RAD51D: variants seen among roughly 807,000 people sequenced by gnomAD.
RAD51D encodes the protein RAD51 paralog D, also known as DNA repair protein RAD51 homolog 4.
A neutral mutation model predicts 44.1 loss-of-function variants in RAD51D; 38 were observed. The ratio of observed to expected loss-of-function variants is 0.86; its 90% CI spans 0.67 to 1.13. The LOEUF (loss-of-function observed/expected upper bound fraction) is 1.13, where lower values mean the gene tolerates loss of function less well. Among genes scored for constraint, RAD51D ranks in the 50% most tolerant of loss-of-function variants. The pLI, the probability that RAD51D is intolerant of heterozygous loss-of-function variation, is 0.00. For synonymous variants in RAD51D, 141 were observed against 166.6 expected (o/e 0.85, Z 1.18); for missense variants, 390 against 414.0 (o/e 0.94, Z 0.50).
chr17:35,113,645 C>G (rs1013255067), intron 3 of RAD51D: 3 of 363,462 alleles, frequency 8.3e-6, no homozygotes, highest in African/African-American at 6.5e-5. Flanking sequence ...CTGGTTACCA[C>G]TCTAGCCCTG....
rs1246231383 is a variant in RAD51D, at chr17:35,093,066, T to C, written c.*7887A>G. On this transcript the variant is annotated 3_prime_UTR_variant, in exon 10 of 10. Coordinates refer to ENST00000345365, the MANE Select transcript of RAD51D (RefSeq NM_002878.4). ...TGTGACTGCACTGGTCATACCACCATGTAGCTGGGCCTGCCTGGACAGAAG... is the reference window on the plus strand; with the variant it reads ...TGTGACTGCACTGGTCATACCACCACGTAGCTGGGCCTGCCTGGACAGAAG... 1 of 152,238 alleles carries C rather than the reference T, an allele frequency of 6.6e-6. No homozygotes were observed. Among genetic ancestry groups the C allele is most frequent in the East Asian group, 1.9e-4 (1 of 5,208 alleles). The allele number at this position is 152,238 out of a possible 1,614,324, so 9.4% of individuals were successfully genotyped here. A position where few individuals can be genotyped will look rare whatever the true frequency, so the allele number is the denominator to read the frequency against.
chr17:35,117,237 C>T (rs1010612439), intron 3 of RAD51D, among the ~76,000 whole-genome samples: 5 of 152,200 alleles, frequency 3.3e-5, no homozygotes, highest in African/African-American at 9.7e-5. Context: ...ACCCAGCAGG[C>T]CCTTAGCCAG....
At chr17:35,118,779 G>C (rs1006187693) in intron 2 of RAD51D, among the ~76,000 whole-genome samples, 160 bp from the exon 3 acceptor site, 2 of 152,234 alleles carry the variant, frequency 1.3e-5, no homozygotes, top group South Asian at 4.1e-4. Context: ...GTCTCACTCT[G>C]TCGCCCAGAT....
At position 35,099,639 on chromosome 17, in the gene RAD51D, C is replaced by T; in HGVS notation, c.*1314G>A. On this transcript the variant is annotated 3_prime_UTR_variant, in exon 10 of 10. Transcript: ENST00000345365. ...ATCCTCCATGATTCTATCCCTGTTG[C>T]ATTCATCACCTCTAAATGTCATTAC... is the stretch of plus-strand genomic sequence containing the variant. 2.7e-6 allele frequency: 1 copy of T among 372,262 alleles called. No individual in the cohort carries two copies. Among genetic ancestry groups the T allele is most frequent in the East Asian group, 5.8e-5 (1 of 17,266 alleles). The allele number at this position is 372,262 out of a possible 1,614,324, so 23.1% of individuals were successfully genotyped here. A position where few individuals can be genotyped will look rare whatever the true frequency, so the allele number is the denominator to read the frequency against.
At chr17:35,119,425 G>A in intron 1 of RAD51D, 107 bp downstream of exon 1, 2 of 1,315,364 alleles carry the variant, frequency 1.5e-6, no homozygotes. Context: ...CTCTAGGAAT[G>A]GAGGGGAAGC....
In RAD51D at chr17:35,101,260, CGAT is replaced by C. The variant is rs2142411520; in HGVS notation, c.841_843del (p.Ile281del). The C allele has an allele frequency of 6.2e-7, 1 of 1,614,170 alleles. No individual in the cohort carries two copies. Among genetic ancestry groups the C allele is most frequent in the South Asian group, 1.1e-5 (1 of 91,086 alleles). On this transcript the variant is annotated inframe_deletion, in exon 9 of 10. Transcript: ENST00000345365. ...CGGCCGCCTGATGCTCCTGCTCCCT[CGAT>C]GGTGTCCAGGAGAATCCGAGTGCTG...
chr17:35,105,610 A>G (rs749369732), intron 6 of RAD51D, among the ~76,000 whole-genome samples: 5 of 152,232 alleles, frequency 3.3e-5, no homozygotes, highest in Admixed American at 6.5e-5. Flanking sequence ...CTAGTCATTT[A>G]TAAATCAGTG....
rs376616485 is a variant in RAD51D, at chr17:35,118,569, G to C, written c.195C>G (p.Pro65=). 1 of 1,614,188 alleles carries C rather than the reference G, an allele frequency of 6.2e-7. No homozygotes were observed. The highest frequency in any genetic ancestry group is 1.7e-5 in the Admixed American group (1 of 60,018). ...CCTCGTAGAGATCAGCGCCATTCACGGGGAAAGCCGAGAACTGAGCCAGCA... is the reference window on the plus strand; with the variant it reads ...CCTCGTAGAGATCAGCGCCATTCACCGGGAAAGCCGAGAACTGAGCCAGCA... The part of the protein sequence containing the change: ...RVLLAQFSAF[P]VNGADLYEEL... The change falls in exon 3 of 10, where the codon CCC becomes CCG. Residue 65 remains proline, a synonymous_variant. Coordinates refer to ENST00000345365, the MANE Select transcript of RAD51D (RefSeq NM_002878.4).
chr17:35,103,228 T>A lies in RAD51D; in HGVS notation c.738+26A>T, dbSNP rs2142417738. ...GAGCTCGCAATAACTAGAAATCAAG[T>A]TCATTGGCCAAGCCTGCTTCCTCAC... On this transcript the variant is annotated intron_variant, in intron 8 of 9. Transcript: ENST00000345365. The surrounding 1 kb of genome is among the most constrained non-coding windows in gnomAD (Gnocchi z 4.1). The A allele has an allele frequency of 6.3e-7, 1 of 1,592,460 alleles. No individual in the cohort carries two copies. The highest frequency in any genetic ancestry group is 8.6e-7 in the Non-Finnish European group (1 of 1,169,292).
Position 35,103,269 on chromosome 17 carries a change from A to G in RAD51D, c.723T>C (p.Leu241=), listed in dbSNP as rs2142418208. Residue 241 remains leucine, a synonymous_variant, in exon 8 of 10, where the codon CTT becomes CTC. Transcript: ENST00000345365. The surrounding 1 kb of genome is among the most constrained non-coding windows in gnomAD (Gnocchi z 4.1). ...GCTTCCTCACCACCACTGCCATGCC[A>G]AGGTCCCGGGCCAGGGTCTTCAGCT... ...ARELKTLARD[L]GMAVVVTNHI... 1 of 1,610,658 alleles carries G rather than the reference A, an allele frequency of 6.2e-7. No homozygotes were observed. The highest frequency in any genetic ancestry group is 8.5e-7 in the Non-Finnish European group (1 of 1,178,766).
At position 35,093,181 on chromosome 17, in the gene RAD51D, T is replaced by G. The variant is rs1351986791; in HGVS notation, c.*7772A>C. Reference sequence around the variant, plus strand: ...ATCATGCCTGGAAAACTATTCAGTGTTTTACATAAGTTACATGATCCTAAA... The same window carrying G: ...ATCATGCCTGGAAAACTATTCAGTGGTTTACATAAGTTACATGATCCTAAA... On this transcript the variant is annotated 3_prime_UTR_variant, in exon 10 of 10. Transcript: ENST00000345365. 6.6e-6 allele frequency: 1 copy of G among 152,154 alleles called. No individual in the cohort carries two copies. The highest frequency in any genetic ancestry group is 1.5e-5 in the Non-Finnish European group (1 of 68,026). The allele number at this position is 152,154 out of a possible 1,614,324, so 9.4% of individuals were successfully genotyped here.
In RAD51D at chr17:35,106,474, G is replaced by T. The variant is rs775176916; in HGVS notation, c.488C>A (p.Ala163Asp). 4.3e-6 allele frequency: 7 copies of T among 1,612,016 alleles called. No homozygotes were observed. The South Asian group carries it at 6.6e-5, about 15-fold the overall frequency. ...KTQDEEEQAE[A>D]LRRIQVVHAF... ...ATGCACCACCTGGATCCTCCGGAGAGCTTCTGCCTGAAGCGGTGGAAAAGA... is the reference window on the plus strand; with the variant it reads ...ATGCACCACCTGGATCCTCCGGAGATCTTCTGCCTGAAGCGGTGGAAAAGA... The change falls in exon 6 of 10, where the codon GCT becomes GAT. Residue 163 changes from alanine (A) to aspartate (D), a missense_variant. Coordinates refer to ENST00000345365, the MANE Select transcript of RAD51D (RefSeq NM_002878.4).
At chr17:35,107,321 C>G (rs370837197) in intron 4 of RAD51D, 45 bp downstream of exon 4, 1 of 1,512,938 alleles carries the variant, frequency 6.6e-7, no homozygotes, top group Non-Finnish European at 9.2e-7. Flanking sequence ...TATGCATCTA[C>G]CACCCTCACC....
At chr17:35,117,535 G>A (rs1170142607) in intron 3 of RAD51D, among the ~76,000 whole-genome samples, 1 of 152,176 alleles carries the variant, frequency 6.6e-6, no homozygotes. Flanking sequence ...TGCCACCAAG[G>A]CTGGAGTGCA....
At chr17:35,102,434 C>A (rs2091550909) in intron 8 of RAD51D, among the ~76,000 whole-genome samples, 1 of 113,420 alleles carries the variant, frequency 8.8e-6, no homozygotes, top group Non-Finnish European at 1.7e-5. Context: ...AACCAGCGCA[C>A]CTGGCCTATT....
chr17:35,117,034 A>G (rs757555839), intron 3 of RAD51D: 8 of 1,610,636 alleles, frequency 5.0e-6, no homozygotes, highest in Non-Finnish European at 6.8e-6. Context: ...TGCGCCCTCC[A>G]TGTCTGTTGG....
At position 35,096,907 on chromosome 17, in the gene RAD51D, T is replaced by TAA. The variant is rs2091489328; in HGVS notation, c.*4045_*4046insTT. 6.7e-6 allele frequency: 1 copy of TAA among 149,964 alleles called. No homozygotes were observed. The highest frequency in any genetic ancestry group is 2.5e-5 in the African/African-American group (1 of 40,638). The allele number at this position is 149,964 out of a possible 1,614,324, so 9.3% of individuals were successfully genotyped here. On this transcript the variant is annotated 3_prime_UTR_variant, in exon 10 of 10. Coordinates refer to ENST00000345365, the MANE Select transcript of RAD51D (RefSeq NM_002878.4). ...CCTAGTATTTACACTTCTTTAAGCC[T>TAA]AGGTTTTGTTACTTGCAGCCTTAAT... is the stretch of plus-strand genomic sequence containing the variant.
intron 3 of RAD51D, among the ~76,000 whole-genome samples, chr17:35,112,447 C>T (rs1252623974): frequency 2.6e-5 from 4 of 151,850 alleles, no homozygotes; most frequent in East Asian, 1.9e-4. Context: ...GCACAATATC[C>T]GCTCACTGTA....
chr17:35,107,935 A>T (rs117042683), intron 3 of RAD51D, among the ~76,000 whole-genome samples: 1 of 151,118 alleles, frequency 6.6e-6, no homozygotes, highest in Non-Finnish European at 1.5e-5. Context: ...TTTTAATTAG[A>T]GACGGGGTTT....
Sources: gnomAD v4.1 joint callset for allele counts (sites outside exome capture counted in the v4.1 genomes callset) on GRCh38, gnomAD v4.1.1 for gene constraint, Gnocchi (gnomAD v3.1) non-coding constraint, MANE v1.5 for transcripts, NCBI Gene and HGNC (gene_info 2026-07-23, HGNC 2026-07-21) for gene names.